Variants in ERC2 observed in about 807,000 individuals in gnomAD.
ERC2 encodes the protein ELKS/RAB6-interacting/CAST family member 2.
A neutral mutation model predicts 114.8 loss-of-function variants in ERC2; 42 were observed. That is an observed-to-expected ratio of 0.37 (90% CI 0.29 to 0.47). The LOEUF (loss-of-function observed/expected upper bound fraction) is 0.47. Ranked by LOEUF, ERC2 falls within the 20% of genes least tolerant of loss-of-function variation. The probability of loss-of-function intolerance (pLI) is 0.99; values close to 1 mark genes in which losing one functional copy is unlikely to be tolerated. For synonymous variants in ERC2, 454 were observed against 425.5 expected (o/e 1.07, Z -0.82); for missense variants, 939 against 1,150.7 (o/e 0.82, Z 2.66).
At chr3:56,242,008 T>C (rs1483203381) in intron 3 of ERC2, among the ~76,000 whole-genome samples, 3 of 152,146 alleles carry the variant, frequency 2.0e-5, no homozygotes, top group African/African-American at 7.2e-5. Context: ...GCAGTATTTA[T>C]CATCTGGCCG....
intron 17 of ERC2, among the ~76,000 whole-genome samples, chr3:55,528,359 C>A (rs1005673516): frequency 1.1e-4 from 16 of 152,172 alleles, no homozygotes; most frequent in Non-Finnish European, 1.9e-4. Flanking sequence ...GGCTTTCTGC[C>A]TGCACAGACT....
intron 17 of ERC2, among the ~76,000 whole-genome samples, chr3:55,644,307 C>G (rs1490949678): frequency 6.6e-6 from 1 of 152,014 alleles, no homozygotes; most frequent in Non-Finnish European, 1.5e-5. Context: ...ATTCTTCTAC[C>G]ACAAACAAGC....
At chr3:56,133,444 T>A (rs2080322635) in intron 6 of ERC2, among the ~76,000 whole-genome samples, 1 of 151,888 alleles carries the variant, frequency 6.6e-6, no homozygotes, top group African/African-American at 2.4e-5. Flanking sequence ...TGCAAAAAAA[T>A]AATAAAATAA....
chr3:55,546,019 G>A (rs1216802085), intron 17 of ERC2, among the ~76,000 whole-genome samples: 1 of 152,238 alleles, frequency 6.6e-6, no homozygotes, highest in East Asian at 1.9e-4. Context: ...AAGGAGAGCA[G>A]AAAGTGAGGA....
intron 2 of ERC2, among the ~76,000 whole-genome samples, chr3:56,338,216 T>C (rs1026254880): frequency 2.0e-5 from 3 of 152,362 alleles, no homozygotes; most frequent in South Asian, 2.1e-4. Flanking sequence ...GTTGTTTCCT[T>C]ACTTCGTGAT....
chr3:56,207,460 A>G (rs1366284176), intron 3 of ERC2, among the ~76,000 whole-genome samples: 1 of 152,118 alleles, frequency 6.6e-6, no homozygotes, highest in African/African-American at 2.4e-5. Flanking sequence ...GTATCATATG[A>G]TATATAAAGC....
chr3:56,349,391 C>T (rs922015681), intron 2 of ERC2, among the ~76,000 whole-genome samples: 3 of 152,208 alleles, frequency 2.0e-5, no homozygotes, highest in Non-Finnish European at 4.4e-5. Flanking sequence ...CATACAATTA[C>T]CCAATCTCTA....
intron 4 of ERC2, among the ~76,000 whole-genome samples, chr3:56,166,477 T>A (rs2082332241): frequency 6.6e-6 from 1 of 152,040 alleles, no homozygotes; most frequent in South Asian, 2.1e-4. Context: ...TACAATTCAC[T>A]CAAAAAAGCC....
chr3:55,966,883 C>G (rs1025963957), intron 12 of ERC2, among the ~76,000 whole-genome samples: 1 of 152,144 alleles, frequency 6.6e-6, no homozygotes, highest in African/African-American at 2.4e-5. Context: ...TCAGTAAATA[C>G]CCATTTTTTC....
intron 13 of ERC2, among the ~76,000 whole-genome samples, chr3:55,894,059 G>A (rs2063734787): frequency 6.6e-6 from 1 of 152,034 alleles, no homozygotes. Flanking sequence ...CAGCGTAGTG[G>A]CTTAGAAACA....
intron 14 of ERC2, among the ~76,000 whole-genome samples, chr3:55,773,386 T>C (rs555070559): frequency 6.6e-6 from 1 of 152,348 alleles, no homozygotes; most frequent in African/African-American, 2.4e-5. Flanking sequence ...CTTTTCATAA[T>C]TAAAAATTTG....
chr3:55,657,150 C>G (rs928954491), intron 17 of ERC2: 1 of 152,164 alleles, frequency 6.6e-6, no homozygotes, highest in African/African-American at 2.4e-5. Flanking sequence ...TTCACTCCCC[C>G]GCTTTTGCCT....
intron 15 of ERC2, among the ~76,000 whole-genome samples, chr3:55,727,822 T>TA (rs2065014107): frequency 6.6e-6 from 1 of 152,060 alleles, no homozygotes; most frequent in African/African-American, 2.4e-5. Context: ...TAGAAGAAGG[T>TA]AAAAAAATTT....
intron 13 of ERC2, among the ~76,000 whole-genome samples, chr3:55,906,350 T>C (rs972020884): frequency 8.2e-5 from 12 of 145,626 alleles, no homozygotes; most frequent in Middle Eastern, 3.7e-3. Flanking sequence ...GAGAATGGCG[T>C]GAACCCGGGA....
At chr3:55,741,013 C>A (rs567653742) in intron 14 of ERC2, among the ~76,000 whole-genome samples, 1 of 152,166 alleles carries the variant, frequency 6.6e-6, no homozygotes, top group South Asian at 2.1e-4. Context: ...TACTTCTGGT[C>A]CCAAGCATTC....
chr3:55,795,009 A>G (rs2070362551), intron 14 of ERC2, among the ~76,000 whole-genome samples: 1 of 152,142 alleles, frequency 6.6e-6, no homozygotes, highest in Admixed American at 6.6e-5. Context: ...CAAATGGTCT[A>G]TTTTCCTTCC....
intron 2 of ERC2, among the ~76,000 whole-genome samples, chr3:56,348,951 GGAAGGAAA>G (rs1222747425): frequency 7.1e-5 from 7 of 98,906 alleles, no homozygotes; most frequent in South Asian, 3.4e-4. Context: ...AAGGAAGGAA[GGAAGGAAA>G]GAAAGAAAGA....
chr3:56,376,513 C>G (rs2059547015), intron 2 of ERC2, among the ~76,000 whole-genome samples: 1 of 151,648 alleles, frequency 6.6e-6, no homozygotes, highest in Non-Finnish European at 1.5e-5. Context: ...GCCTGTAATC[C>G]TAGCACTTTG....
chr3:55,702,628 A>G (rs927152827), intron 15 of ERC2, among the ~76,000 whole-genome samples: 1 of 152,156 alleles, frequency 6.6e-6, no homozygotes, highest in African/African-American at 2.4e-5. Flanking sequence ...AAGGACAGGA[A>G]GTCACAAATA....
Sources: allele counts gnomAD v4.1 joint callset (sites outside exome capture counted in the v4.1 genomes callset), GRCh38; gene constraint gnomAD v4.1.1; transcripts MANE v1.5; gene names NCBI Gene and HGNC (gene_info 2026-07-23, HGNC 2026-07-21).